The following ZFPM2 variants were observed in gnomAD, a reference collection of about 807,000 sequenced individuals.
ZFPM2 encodes zinc finger protein, FOG family member 2, also known as zinc finger protein ZFPM2.
ZFPM2 carries 20 observed loss-of-function variants against 98.6 expected under a neutral mutation model. The observed-to-expected ratio is 0.20, with a 90% CI of 0.14 to 0.29. ZFPM2 has a LOEUF of 0.29. Ranked by LOEUF, ZFPM2 falls within the 10% of genes least tolerant of loss-of-function variation. The probability of loss-of-function intolerance (pLI) is 1.00; values close to 1 mark genes in which losing one functional copy is unlikely to be tolerated. For synonymous variants in ZFPM2, 518 were observed against 502.7 expected (o/e 1.03, Z -0.41); for missense variants, 1,310 against 1,388.6 (o/e 0.94, Z 0.90).
intron 5 of ZFPM2, among the ~76,000 whole-genome samples, chr8:105,656,077 G>T (rs148800000): frequency 7.9e-5 from 12 of 152,140 alleles, no homozygotes; most frequent in African/African-American, 2.9e-4. Flanking sequence ...CTATACTCAT[G>T]AGCTAACATT....
At chr8:105,598,582 T>G (rs6982399) in intron 4 of ZFPM2, among the ~76,000 whole-genome samples, 19,550 of 152,112 alleles carry the variant, frequency 0.13, 1,297 homozygotes, top group South Asian at 0.21. Context: ...AAAAGTGGAA[T>G]AATGCCATAG....
At chr8:105,598,053 GA>G (rs1289453301) in intron 4 of ZFPM2, among the ~76,000 whole-genome samples, 58 of 134,300 alleles carry the variant, frequency 4.3e-4, no homozygotes, top group Middle Eastern at 7.8e-3. Context: ...GTTGTTCTTG[GA>G]AAAAAAAAAA....
chr8:105,373,637 A>G (rs1183867844), intron 1 of ZFPM2, among the ~76,000 whole-genome samples: 2 of 152,222 alleles, frequency 1.3e-5, no homozygotes, highest in East Asian at 1.9e-4. Context: ...AATTAAATAA[A>G]TTGCAGAGAA....
chr8:105,480,584 T>TTA (rs1485859280), intron 3 of ZFPM2, among the ~76,000 whole-genome samples: 1 of 152,138 alleles, frequency 6.6e-6, no homozygotes, highest in Non-Finnish European at 1.5e-5. Flanking sequence ...TTTATTGAAC[T>TTA]TATACAAGGG....
At chr8:105,707,097 G>A (rs1433376424) in intron 5 of ZFPM2, among the ~76,000 whole-genome samples, 1 of 151,624 alleles carries the variant, frequency 6.6e-6, no homozygotes, top group Non-Finnish European at 1.5e-5. Context: ...TTTGAAAATA[G>A]CCAGTTGCTG....
chr8:105,732,480 G>A (rs1811963186), intron 5 of ZFPM2, among the ~76,000 whole-genome samples: 3 of 151,760 alleles, frequency 2.0e-5, no homozygotes, highest in Non-Finnish European at 4.4e-5. Context: ...TGTGTGAGCT[G>A]ATAACATTCC....
At chr8:105,521,681 G>A (rs1172386912) in intron 3 of ZFPM2, among the ~76,000 whole-genome samples, 3 of 152,090 alleles carry the variant, frequency 2.0e-5, no homozygotes, top group South Asian at 2.1e-4. Flanking sequence ...GGGTTCAAGC[G>A]ATTCTCCTGC....
chr8:105,462,771 CCTTGTGTCTTCTT>C (rs1259989407), intron 3 of ZFPM2, among the ~76,000 whole-genome samples: 12 of 151,948 alleles, frequency 7.9e-5, no homozygotes, highest in African/African-American at 2.9e-4. Context: ...TTTGCTTCAA[CCTTGTGTCTTCTT>C]CCCCATTATA....
intron 2 of ZFPM2, among the ~76,000 whole-genome samples, chr8:105,425,255 C>T (rs1450981288): frequency 6.6e-6 from 1 of 151,864 alleles, no homozygotes; most frequent in Non-Finnish European, 1.5e-5. Context: ...GACATGGCCA[C>T]GACATAGTTT....
intron 5 of ZFPM2, among the ~76,000 whole-genome samples, chr8:105,730,797 T>TA (rs1448559003): frequency 6.8e-6 from 1 of 146,024 alleles, no homozygotes; most frequent in African/African-American, 2.6e-5. Context: ...TTTTTTTTTT[T>TA]ACTGGCTACA....
intron 5 of ZFPM2, among the ~76,000 whole-genome samples, chr8:105,744,282 A>C (rs1230261569): frequency 6.6e-6 from 1 of 152,084 alleles, no homozygotes; most frequent in African/African-American, 2.4e-5. Flanking sequence ...AATATGTGTG[A>C]GCACTTTCAC....
At position 105,450,807 on chromosome 8, in the gene ZFPM2, A is replaced by T. The variant is rs1366118155; in HGVS notation, c.301+6426A>T. Among the ~76,000 whole-genome samples, 4 of 152,192 alleles carry T rather than the reference A, an allele frequency of 2.6e-5. No individual in the cohort carries two copies. In the South Asian group the frequency reaches 8.3e-4, roughly 32 times the overall value. Reference sequence around the variant, plus strand: ...ACTTTTGAGCCCTTTATGAAACAAGAGGGGGTAAAAAATAAATCTTCTGTA... The same window carrying T: ...ACTTTTGAGCCCTTTATGAAACAAGTGGGGGTAAAAAATAAATCTTCTGTA... On this transcript the variant is annotated intron_variant, in intron 3 of 7. Coordinates refer to ENST00000407775, the MANE Select transcript of ZFPM2 (RefSeq NM_012082.4).
intron 3 of ZFPM2, among the ~76,000 whole-genome samples, chr8:105,482,905 CCTTCCTTCTTTA>C (rs1317207466): frequency 1.9e-4 from 24 of 124,766 alleles, no homozygotes; most frequent in African/African-American, 2.8e-4. Context: ...TTCCTTCTTT[CCTTCCTTCTTTA>C]CTTCCCCTTT....
intron 1 of ZFPM2, among the ~76,000 whole-genome samples, chr8:105,346,455 A>G (rs1330230492): frequency 6.6e-6 from 1 of 152,260 alleles, no homozygotes; most frequent in African/African-American, 2.4e-5. Flanking sequence ...TAAGCATTAC[A>G]TATGTAATTA....
chr8:105,745,494 T>G (rs1468414081), intron 5 of ZFPM2, among the ~76,000 whole-genome samples: 1 of 152,132 alleles, frequency 6.6e-6, no homozygotes, highest in East Asian at 1.9e-4. Context: ...GTGTTACACA[T>G]TATAGTAAAA....
chr8:105,642,773 T>G (rs575901633), intron 5 of ZFPM2, among the ~76,000 whole-genome samples: 17 of 152,310 alleles, frequency 1.1e-4, no homozygotes, highest in African/African-American at 3.6e-4. Flanking sequence ...TGTATAGTAA[T>G]GAATTCAGTC....
intron 5 of ZFPM2, among the ~76,000 whole-genome samples, chr8:105,734,979 C>A (rs987841642): frequency 1.0e-4 from 15 of 150,368 alleles, no homozygotes; most frequent in African/African-American, 3.2e-4. Context: ...AGGCATATTA[C>A]AAATTTATAT....
chr8:105,411,876 T>C (rs185321362), intron 1 of ZFPM2, among the ~76,000 whole-genome samples: 2 of 151,974 alleles, frequency 1.3e-5, no homozygotes, highest in Admixed American at 1.3e-4. Flanking sequence ...CAAATTTGCC[T>C]GTATTTCTTC....
At chr8:105,484,854 T>C (rs1813197529) in intron 3 of ZFPM2, among the ~76,000 whole-genome samples, 1 of 152,168 alleles carries the variant, frequency 6.6e-6, no homozygotes, top group Non-Finnish European at 1.5e-5. Context: ...GGAGCAGCTT[T>C]TCTATTTGTC....
Sources: gnomAD v4.1 joint callset for allele counts (sites outside exome capture counted in the v4.1 genomes callset) on GRCh38, gnomAD v4.1.1 for gene constraint, MANE v1.5 for transcripts, NCBI Gene and HGNC (gene_info 2026-07-23, HGNC 2026-07-21) for gene names.